Variants in SRPX2 observed in about 807,000 individuals in gnomAD.
SRPX2 encodes sushi repeat containing protein X-linked 2.
Under a neutral mutation model 45.3 loss-of-function variants are expected in SRPX2, and 26 were observed. The observed-to-expected ratio is 0.57, with a 90% CI of 0.42 to 0.80. SRPX2 has a LOEUF of 0.80. Ranked by LOEUF, SRPX2 falls within the 30% of genes least tolerant of loss-of-function variation. SRPX2 has a pLI of 0.00. For synonymous variants in SRPX2, 125 were observed against 143.7 expected (o/e 0.87, Z 0.93); for missense variants, 355 against 399.8 (o/e 0.89, Z 0.95).
intron 4 of SRPX2, 148 bp downstream of exon 4, chrX:100,662,515 T>C (rs1188007737): frequency 3.0e-6 from 2 of 656,375 alleles, no homozygotes; most frequent in Admixed American, 2.8e-5. Flanking sequence ...AGCAGGGCCT[T>C]TCCCCATTCT....
intron 9 of SRPX2, 24 bp from the exon 10 acceptor site, chrX:100,669,224 T>C (rs914622296): frequency 8.3e-7 from 1 of 1,210,053 alleles, no homozygotes; most frequent in Non-Finnish European, 1.1e-6. Context: ...CTCTGTTGCA[T>C]AAAATGTTCT....
chrX:100,650,974 G>A, intron 3 of SRPX2, 109 bp downstream of exon 3: 1 of 599,869 alleles, frequency 1.7e-6, no homozygotes, highest in Non-Finnish European at 2.7e-6. Flanking sequence ...CAAAACTGTA[G>A]CACAGGGAAT....
intron 7 of SRPX2, among the ~76,000 whole-genome samples, chrX:100,666,303 T>G (rs2083204385): frequency 8.9e-6 from 1 of 112,272 alleles, no homozygotes; most frequent in South Asian, 3.7e-4. Context: ...ATTTAAAAAT[T>G]CTTCAGAAAT....
intron 3 of SRPX2, among the ~76,000 whole-genome samples, chrX:100,654,786 A>G (rs1285733331): frequency 2.7e-5 from 3 of 110,689 alleles, no homozygotes; most frequent in Non-Finnish European, 5.7e-5. Flanking sequence ...AGAAGACCAG[A>G]AAAAAAAGAA....
At chrX:100,654,851 T>C (rs1313435611) in intron 3 of SRPX2, among the ~76,000 whole-genome samples, 1 of 112,093 alleles carries the variant, frequency 8.9e-6, no homozygotes, top group Non-Finnish European at 1.9e-5. Context: ...TCATTTTCAC[T>C]CATCTTGCAC....
At chrX:100,667,989 C>G (rs1307693296) in intron 9 of SRPX2, among the ~76,000 whole-genome samples, 1 of 111,585 alleles carries the variant, frequency 9.0e-6, no homozygotes, top group African/African-American at 3.3e-5. Context: ...CTCTTAGCCA[C>G]TACCAGTAGC....
intron 7 of SRPX2, 34 bp downstream of exon 7, chrX:100,665,691 A>T: frequency 8.3e-7 from 1 of 1,211,176 alleles, no homozygotes. Flanking sequence ...CATATTGTTC[A>T]TTAATCCTGC....
intron 4 of SRPX2, among the ~76,000 whole-genome samples, chrX:100,662,940 T>C (rs1030018516): frequency 1.8e-5 from 2 of 112,386 alleles, no homozygotes; most frequent in African/African-American, 6.5e-5. Flanking sequence ...GAACTTTTCC[T>C]GTCCATATGT....
In SRPX2 at chrX:100,646,329, A is replaced by T; in HGVS notation, c.7A>T (p.Ser3Cys). MA[S>C]QLTQRGALFL... ...ATAATCCTCCCTTTCAAGGATGGCC[A>T]GTCAGCTAACTCAAAGAGGAGCTCT... Residue 3 changes from serine (S) to cysteine (C), a missense_variant, in exon 2 of 11, where the codon AGT becomes TGT. Physicochemically the swap from Ser to Cys is moderately radical, Grantham distance 112. Coordinates refer to ENST00000373004, the MANE Select transcript of SRPX2 (RefSeq NM_014467.3). 3.3e-6 allele frequency: 4 copies of T among 1,210,725 alleles called. No homozygotes were observed. Among genetic ancestry groups the T allele is most frequent in the Non-Finnish European group, 4.5e-6 (4 of 895,017 alleles).
intron 5 of SRPX2, 35 bp from the exon 6 acceptor site, chrX:100,665,208 C>T (rs1009471156): frequency 8.3e-7 from 1 of 1,207,019 alleles, no homozygotes; most frequent in Non-Finnish European, 1.1e-6. Flanking sequence ...AAGCAAGGGG[C>T]CCACGAGTCA....
At position 100,665,547 on chromosome X, in the gene SRPX2, G is replaced by C; in HGVS notation, c.671G>C (p.Arg224Pro). The change falls in exon 7 of 11, where the codon CGG (arginine) becomes CCG (proline). Residue 224 changes from arginine to proline, a missense_variant. Coordinates refer to ENST00000373004, the MANE Select transcript of SRPX2 (RefSeq NM_014467.3). ...ADGTITRVTL[R>P]GPEPGSHFPE... Reference sequence around the variant, plus strand: ...CCTGTCCCATGCAGGGTGACACTTCGGGGCCCTGAGCCTGGCTCTCACTTT... The same window carrying C: ...CCTGTCCCATGCAGGGTGACACTTCCGGGCCCTGAGCCTGGCTCTCACTTT... 1 of 1,211,841 alleles carries C rather than the reference G, an allele frequency of 8.3e-7. No homozygotes were observed. The highest frequency in any genetic ancestry group is 1.1e-6 in the Non-Finnish European group (1 of 895,522).
chrX:100,671,207 G>C lies in SRPX2; in HGVS notation c.*220G>C, dbSNP rs904458095. The C allele has an allele frequency of 9.0e-6, 4 of 443,572 alleles. No individual in the cohort carries two copies. The African/African-American group carries it at 9.8e-5, about 11-fold the overall frequency. 36.6% of individuals were successfully genotyped at this position (443,572 alleles called of 1,213,427 possible). On this transcript the variant is annotated 3_prime_UTR_variant, in exon 11 of 11. Transcript: ENST00000373004. Reference sequence around the variant, plus strand: ...GACTGAGGACAGGCCTTGGGCAGTGGGTTGGGGGTAGAAGTTCTTCCTTTC... The same window carrying C: ...GACTGAGGACAGGCCTTGGGCAGTGCGTTGGGGGTAGAAGTTCTTCCTTTC...
rs2083206252 is a variant in SRPX2 at position 100,666,877 on chromosome X, C to A, written c.905C>A (p.Pro302His). Residue 302 changes from proline to histidine, a missense_variant, in exon 8 of 11, where the codon CCC (proline) becomes CAC (histidine). Transcript: ENST00000373004. ...CDGGYDRQGT[P>H]SRVCQSSRQW... ...GGCGGTTATGATCGCCAGGGGACACCCTCCCGGGTCTGTCAGTCCAGCCGC... is the reference window on the plus strand; with the variant it reads ...GGCGGTTATGATCGCCAGGGGACACACTCCCGGGTCTGTCAGTCCAGCCGC... 2 of 1,209,817 alleles carry A rather than the reference C, an allele frequency of 1.7e-6. No individual in the cohort carries two copies. Among genetic ancestry groups the A allele is most frequent in the South Asian group, 1.8e-5 (1 of 56,719 alleles).
chrX:100,662,292 G>A lies in SRPX2; in HGVS notation c.280G>A (p.Gly94Ser). 8.3e-7 allele frequency: 1 copy of A among 1,211,858 alleles called. No homozygotes were observed. Among genetic ancestry groups the A allele is most frequent in the Non-Finnish European group, 1.1e-6 (1 of 895,596 alleles). ...GTRCELSCDR[G>S]FRLIGRRSVQ... ...GCGTTGTGAGCTCTCCTGTGACCGG[G>A]GCTTTCGATTGATTGGAAGGAGGTC... Residue 94 changes from glycine (G) to serine (S), a missense_variant, in exon 4 of 11, where the codon GGC becomes AGC. Physicochemically the swap from Gly to Ser is moderately conservative, Grantham distance 56. Transcript: ENST00000373004.
chrX:100,648,684 T>C (rs1325091435), intron 2 of SRPX2, among the ~76,000 whole-genome samples: 1 of 112,574 alleles, frequency 8.9e-6, no homozygotes, highest in Non-Finnish European at 1.9e-5. Flanking sequence ...CGCACCCTGA[T>C]GGAGACTGTA....
intron 10 of SRPX2, among the ~76,000 whole-genome samples, chrX:100,669,769 C>CTTTTT (rs3086931): frequency 0.024 from 1,499 of 61,518 alleles, 95 homozygotes; most frequent in Middle Eastern, 0.094. Context: ...CAAAAGCCAT[C>CTTTTT]TTTTTTTTTT....
At chrX:100,659,120 A>C (rs2013678673) in intron 3 of SRPX2, among the ~76,000 whole-genome samples, 1 of 112,061 alleles carries the variant, frequency 8.9e-6, no homozygotes, top group African/African-American at 3.2e-5. Context: ...GTCTGGAATT[A>C]CTTGTTCCAG....
intron 10 of SRPX2, among the ~76,000 whole-genome samples, chrX:100,670,528 G>C (rs1231125779): frequency 8.9e-6 from 1 of 111,938 alleles, no homozygotes; most frequent in African/African-American, 3.3e-5. Context: ...GCTTAAAGGG[G>C]CCTACAATGA....
Position 100,669,326 on chromosome X carries a change from A to G in SRPX2, c.1174A>G (p.Ile392Val), listed in dbSNP as rs1279749208. The G allele has an allele frequency of 8.8e-7, 1 of 1,137,162 alleles. No homozygotes were observed. The highest frequency in any genetic ancestry group is 2.4e-5 in the Admixed American group (1 of 42,213). The allele number at this position is 1,137,162 out of a possible 1,213,427, so 93.7% of individuals were successfully genotyped here. The change falls in exon 10 of 11, where the codon ATC becomes GTC. Residue 392 changes from isoleucine (I) to valine (V), a missense_variant. Coordinates refer to ENST00000373004, the MANE Select transcript of SRPX2 (RefSeq NM_014467.3). ...ACAGCCACCTCAGGAGGTGGGGCGC[A>G]TCCGGGAGCAACAGCTGTCAGCCAA... is the stretch of plus-strand genomic sequence containing the variant. ...VGQPPQEVGR[I>V]REQQLSANII...
Sources: allele counts gnomAD v4.1 joint callset (sites outside exome capture counted in the v4.1 genomes callset), GRCh38; gene constraint gnomAD v4.1.1; transcripts MANE v1.5; gene names NCBI Gene and HGNC (gene_info 2026-07-23, HGNC 2026-07-21).